Variants in SHC4 observed in about 807,000 individuals in gnomAD.
SHC4 encodes the protein SHC-transforming protein 4.
SHC4 carries 41 observed loss-of-function variants against 69.4 expected under a neutral mutation model. The ratio of observed to expected loss-of-function variants is 0.59; its 90% confidence interval spans 0.46 to 0.77. The LOEUF (loss-of-function observed/expected upper bound fraction) is 0.77. Ranked by LOEUF, SHC4 falls within the 30% of genes least tolerant of loss-of-function variation. The pLI is 0.00. For missense variants in SHC4, 777 were observed against 783.8 expected, an observed-to-expected ratio of 0.99 and a Z score of 0.10; for synonymous variants, 318 against 299.3, an observed-to-expected ratio of 1.06 and a Z score of -0.64.
In SHC4 at chr15:48,867,824, G is replaced by T. The variant is rs757784486; in HGVS notation, c.940C>A (p.Gln314Lys). The T allele has an allele frequency of 1.2e-6, 2 of 1,613,422 alleles. No homozygotes were observed. Among genetic ancestry groups the T allele is most frequent in the South Asian group, 2.2e-5 (2 of 90,996 alleles). ...VAYVAKDPVN[Q>K]RACHILECHN... ...TGTAAGTTGCTTTCCATACCTCGTTGATTAACTGGATCTTTAGCTACGTAG... is the reference window on the plus strand; with the variant it reads ...TGTAAGTTGCTTTCCATACCTCGTTTATTAACTGGATCTTTAGCTACGTAG... Residue 314 changes from glutamine (Q) to lysine (K), a missense_variant, in exon 6 of 12, where the codon CAA (glutamine) becomes AAA (lysine). Transcript: ENST00000332408.
intron 2 of SHC4, among the ~76,000 whole-genome samples, chr15:48,895,818 C>T (rs777796148): frequency 3.9e-5 from 6 of 152,240 alleles, no homozygotes; most frequent in Non-Finnish European, 8.8e-5. Context: ...CACAGTGGCT[C>T]ATGCCTGTAA....
chr15:48,882,022 A>G (rs1899956015), intron 4 of SHC4, among the ~76,000 whole-genome samples: 1 of 152,192 alleles, frequency 6.6e-6, no homozygotes, highest in South Asian at 2.1e-4. Flanking sequence ...TCCAAAGCAT[A>G]TCTTAGAAAT....
chr15:48,885,069 A>G (rs573270998), intron 3 of SHC4, among the ~76,000 whole-genome samples: 2 of 152,328 alleles, frequency 1.3e-5, no homozygotes, highest in African/African-American at 4.8e-5. Flanking sequence ...GAGGAAAGGG[A>G]TATGTTTTGA....
At chr15:48,868,699 G>T (rs1899609051) in intron 5 of SHC4, among the ~76,000 whole-genome samples, 1 of 152,152 alleles carries the variant, frequency 6.6e-6, no homozygotes, top group Non-Finnish European at 1.5e-5. Context: ...GGAAATAAAA[G>T]CCCATGTTTG....
rs1057506339 is a variant in SHC4 at position 48,825,469 on chromosome 15, T to C, written c.*502A>G. ...GTGAAAAATGCTGCTAAACAGAAAATGTAATAAAGTCAATAAGGCTCAAGA... is the reference window on the plus strand; with the variant it reads ...GTGAAAAATGCTGCTAAACAGAAAACGTAATAAAGTCAATAAGGCTCAAGA... On this transcript the variant is annotated 3_prime_UTR_variant, in exon 12 of 12. Transcript: ENST00000332408. The C allele has an allele frequency of 5.2e-5, 8 of 152,748 alleles. No homozygotes were observed. The highest frequency in any genetic ancestry group is 1.9e-4 in the African/African-American group (8 of 41,384). The allele number at this position is 152,748 out of a possible 1,614,324, so 9.5% of individuals were successfully genotyped here.
At chr15:48,915,955 T>C (rs1482923849) in intron 2 of SHC4, among the ~76,000 whole-genome samples, 1 of 152,180 alleles carries the variant, frequency 6.6e-6, no homozygotes, top group Non-Finnish European at 1.5e-5. Context: ...GACAAGTGGC[T>C]GCAATCCTAT....
chr15:48,868,676 C>CA (rs1899608638), intron 5 of SHC4, among the ~76,000 whole-genome samples: 1 of 152,134 alleles, frequency 6.6e-6, no homozygotes, highest in Admixed American at 6.5e-5. Context: ...AGGGAAGATG[C>CA]AATCAACTGG....
chr15:48,900,930 A>G (rs574977757), intron 2 of SHC4, among the ~76,000 whole-genome samples: 1 of 152,256 alleles, frequency 6.6e-6, no homozygotes, highest in Non-Finnish European at 1.5e-5. Context: ...GAAAAGGGCC[A>G]GGTAGGAAAT....
intron 1 of SHC4, among the ~76,000 whole-genome samples, chr15:48,956,398 G>A (rs1273426396): frequency 2.0e-5 from 3 of 152,178 alleles, no homozygotes; most frequent in African/African-American, 7.2e-5. Context: ...ACCAGGCTAT[G>A]TGTGTGGCAA....
In SHC4 at chr15:48,962,542, T is replaced by C; in HGVS notation, c.474A>G (p.Leu158=). 6.2e-7 allele frequency: 1 copy of C among 1,606,264 alleles called. No individual in the cohort carries two copies. The highest frequency in any genetic ancestry group is 8.5e-7 in the Non-Finnish European group (1 of 1,175,636). The change falls in exon 1 of 12, where the codon CTA becomes CTG. Residue 158 remains leucine, a synonymous_variant. Coordinates refer to ENST00000332408, the MANE Select transcript of SHC4 (RefSeq NM_203349.4). The part of the protein sequence containing the change: ...QDLVGHRATA[L]TPDSCPLPGP... ...CAGGAAGCGGGCACGAATCAGGGGT[T>C]AGGGCGGTTGCCCTGTGTCCCACCA...
chr15:48,871,103 G>C (rs545431624), intron 5 of SHC4, among the ~76,000 whole-genome samples: 18 of 152,292 alleles, frequency 1.2e-4, no homozygotes, highest in Admixed American at 5.9e-4. Flanking sequence ...AAATGTGGTG[G>C]ATAGAAAACA....
chr15:48,914,483 A>G (rs1046975866), intron 2 of SHC4, among the ~76,000 whole-genome samples: 2 of 152,066 alleles, frequency 1.3e-5, no homozygotes, highest in Non-Finnish European at 2.9e-5. Flanking sequence ...CTACTCTTTC[A>G]TCGTCTTATT....
intron 2 of SHC4, among the ~76,000 whole-genome samples, chr15:48,908,065 C>T (rs1214044242): frequency 6.6e-6 from 1 of 151,974 alleles, no homozygotes; most frequent in Non-Finnish European, 1.5e-5. Context: ...CAGTAGATAC[C>T]CAGTAGTGGG....
At chr15:48,844,322 G>C (rs1483082905) in intron 9 of SHC4, among the ~76,000 whole-genome samples, 1 of 152,100 alleles carries the variant, frequency 6.6e-6, no homozygotes, top group Non-Finnish European at 1.5e-5. Flanking sequence ...ATTTCTCAGA[G>C]GTTTCACACC....
At chr15:48,830,707 A>G (rs927522256) in intron 11 of SHC4, among the ~76,000 whole-genome samples, 6 of 152,230 alleles carry the variant, frequency 3.9e-5, no homozygotes, top group African/African-American at 1.4e-4. Flanking sequence ...GATCCCCAAC[A>G]CCAAAAGGTT....
intron 11 of SHC4, among the ~76,000 whole-genome samples, chr15:48,830,807 G>A (rs1898784988): frequency 6.6e-6 from 1 of 152,128 alleles, no homozygotes; most frequent in Admixed American, 6.5e-5. Context: ...AAACCGCCAA[G>A]GTCATATTTC....
At chr15:48,837,216 G>A (rs1474211441) in intron 10 of SHC4, among the ~76,000 whole-genome samples, 1 of 152,168 alleles carries the variant, frequency 6.6e-6, no homozygotes, top group African/African-American at 2.4e-5. Context: ...AACGGATCGT[G>A]GGCCAACCAG....
intron 2 of SHC4, among the ~76,000 whole-genome samples, chr15:48,916,670 G>A (rs1900628357): frequency 6.6e-6 from 1 of 151,934 alleles, no homozygotes; most frequent in African/African-American, 2.4e-5. Flanking sequence ...TCCGAAGCCA[G>A]GACCTCAAAA....
At chr15:48,877,919 T>C in intron 4 of SHC4, 5 of 414,932 alleles carry the variant, frequency 1.2e-5, no homozygotes, top group African/African-American at 2.0e-5. Flanking sequence ...CAGAAACTGT[T>C]ACGCTCTTGC....
Sources: gnomAD v4.1 joint callset for allele counts (sites outside exome capture counted in the v4.1 genomes callset) on GRCh38, gnomAD v4.1.1 for gene constraint, MANE v1.5 for transcripts, NCBI Gene and HGNC (gene_info 2026-07-23, HGNC 2026-07-21) for gene names.